Variants in CSTF3 observed in about 807,000 individuals in gnomAD.
CSTF3 encodes the protein CF-1 77 kDa subunit.
CSTF3 carries 29 observed loss-of-function variants against 105.8 expected under a neutral mutation model. That is an observed-to-expected ratio of 0.27 (90% confidence interval 0.20 to 0.37). The LOEUF (loss-of-function observed/expected upper bound fraction) is 0.37, where lower values mean the gene tolerates loss of function less well. CSTF3 is among the 10% of genes least tolerant of loss of function. The pLI, the probability that CSTF3 is intolerant of heterozygous loss-of-function variation, is 1.00. For missense variants in CSTF3, 357 were observed against 879.3 expected, an observed-to-expected ratio of 0.41 and a Z score of 7.51; for synonymous variants, 252 against 281.9, an observed-to-expected ratio of 0.89 and a Z score of 1.06.
At chr11:33,100,525 T>C (rs1855271266) in intron 10 of CSTF3, among the ~76,000 whole-genome samples, 1 of 152,088 alleles carries the variant, frequency 6.6e-6, no homozygotes, top group South Asian at 2.1e-4. Context: ...GCACCAACTA[T>C]ATGCCAGGGA....
chr11:33,146,130 C>T (rs981200641), intron 1 of CSTF3, among the ~76,000 whole-genome samples: 5 of 151,768 alleles, frequency 3.3e-5, no homozygotes, highest in African/African-American at 7.3e-5. Flanking sequence ...CCCAGCTACT[C>T]GGGAGGCTGA....
intron 1 of CSTF3, among the ~76,000 whole-genome samples, chr11:33,149,436 G>A (rs937401572): frequency 2.6e-5 from 4 of 152,154 alleles, no homozygotes; most frequent in African/African-American, 9.7e-5. Flanking sequence ...TGAACCACTT[G>A]GGTAGCCAAC....
At chr11:33,119,099 T>C (rs1855462154) in intron 3 of CSTF3, among the ~76,000 whole-genome samples, 3 of 151,866 alleles carry the variant, frequency 2.0e-5, no homozygotes, top group Admixed American at 6.6e-5. Context: ...CAGAAAACCA[T>C]TTACTTAAAA....
intron 3 of CSTF3, among the ~76,000 whole-genome samples, chr11:33,122,145 T>C (rs1855496012): frequency 6.6e-6 from 1 of 152,248 alleles, no homozygotes; most frequent in Non-Finnish European, 1.5e-5. Context: ...GATACATTGT[T>C]GGATAGCAAA....
At chr11:33,147,064 G>A (rs1855793107) in intron 1 of CSTF3, among the ~76,000 whole-genome samples, 1 of 152,028 alleles carries the variant, frequency 6.6e-6, no homozygotes, top group South Asian at 2.1e-4. Flanking sequence ...TACTAGGCAG[G>A]CGGACTGCTT....
At chr11:33,156,614 C>T (rs759852341) in intron 1 of CSTF3, 12 of 437,234 alleles carry the variant, frequency 2.7e-5, no homozygotes, top group Non-Finnish European at 4.5e-5. Flanking sequence ...GTAGCTTTTC[C>T]AAGCTGAGGA....
At chr11:33,105,003 C>T (rs1363950069) in intron 8 of CSTF3, among the ~76,000 whole-genome samples, 1 of 152,190 alleles carries the variant, frequency 6.6e-6, no homozygotes, top group East Asian at 1.9e-4. Context: ...TCCATCTCGG[C>T]CTCCCAAAGT....
intron 1 of CSTF3, among the ~76,000 whole-genome samples, chr11:33,152,908 G>T (rs752419225): frequency 4.0e-5 from 6 of 151,506 alleles, no homozygotes; most frequent in Non-Finnish European, 8.8e-5. Context: ...CAGTGAGCTG[G>T]GATCGCACCA....
Position 33,099,068 on chromosome 11 carries a change from A to G in CSTF3, c.1019T>C (p.Met340Thr). Reference protein sequence around the residue: ...RAISTLLKKNMLLYFAYADYE... With the variant: ...RAISTLLKKNTLLYFAYADYE... ...ATCTGCATATGCAAAATAAAGAAGCATATTCTTCTTCAATAAAGTGCTTAT... is the reference window on the plus strand; with the variant it reads ...ATCTGCATATGCAAAATAAAGAAGCGTATTCTTCTTCAATAAAGTGCTTAT... The change falls in exon 12 of 21, where the codon ATG (methionine) becomes ACG (threonine). Residue 340 changes from methionine (M) to threonine (T), a missense_variant. Coordinates refer to ENST00000323959, the MANE Select transcript of CSTF3 (RefSeq NM_001326.3). This position sits in a 1 kb window ranked among gnomAD's most constrained non-coding sequence, Gnocchi z 4.1. 1 of 1,578,012 alleles carries G rather than the reference A, an allele frequency of 6.3e-7. No individual in the cohort carries two copies. Among genetic ancestry groups the G allele is most frequent in the Non-Finnish European group, 8.5e-7 (1 of 1,172,390 alleles).
rs771791256 is a variant in CSTF3, at chr11:33,099,006, TAAG to T, written c.1053+25_1053+27del. 1.3e-6 allele frequency: 2 copies of T among 1,553,768 alleles called. No individual in the cohort carries two copies. Among genetic ancestry groups the T allele is most frequent in the South Asian group, 1.2e-5 (1 of 80,574 alleles). Reference sequence around the variant, plus strand: ...AGTCCTGCACTAAAAAATTGAATTATAAGAAGGCTCTAAACATTTTTACTTACC... The same window carrying T: ...AGTCCTGCACTAAAAAATTGAATTATAAGGCTCTAAACATTTTTACTTACC... On this transcript the variant is annotated intron_variant, in intron 12 of 20. Coordinates refer to ENST00000323959, the MANE Select transcript of CSTF3 (RefSeq NM_001326.3). This position sits in a 1 kb window ranked among gnomAD's most constrained non-coding sequence, Gnocchi z 4.1.
At chr11:33,091,288 G>A (rs147374039) in intron 16 of CSTF3, among the ~76,000 whole-genome samples, 26 of 152,260 alleles carry the variant, frequency 1.7e-4, no homozygotes, top group Middle Eastern at 3.4e-3. Context: ...CCTCATCGTT[G>A]TTCTAACAGC....
At chr11:33,154,693 C>T (rs1849837087) in intron 1 of CSTF3, among the ~76,000 whole-genome samples, 1 of 151,962 alleles carries the variant, frequency 6.6e-6, no homozygotes, top group Non-Finnish European at 1.5e-5. Flanking sequence ...GACGGAGTTT[C>T]ACCATACTAG....
At chr11:33,086,646 C>G (rs901084914) in intron 18 of CSTF3, among the ~76,000 whole-genome samples, 4 of 152,136 alleles carry the variant, frequency 2.6e-5, no homozygotes, top group African/African-American at 9.7e-5. Flanking sequence ...CCATGTTAGT[C>G]AGGCTGGTCT....
At chr11:33,154,070 T>C (rs767356716) in intron 1 of CSTF3, among the ~76,000 whole-genome samples, 1 of 152,176 alleles carries the variant, frequency 6.6e-6, no homozygotes, top group Non-Finnish European at 1.5e-5. Context: ...CACTTATTTA[T>C]CAAGAATATA....
At position 33,126,554 on chromosome 11, in the gene CSTF3, G is replaced by A. The variant is rs894642371; in HGVS notation, c.225+15113C>T. 1.1e-4 allele frequency among the ~76,000 whole-genome samples: 16 copies of A among 152,168 alleles called. No individual in the cohort carries two copies. The East Asian group carries it at 3.1e-3, about 29-fold the overall frequency. ...AATACTTAAATATTTAGGGGTATTAGACAATTCAAAAGAACAGTTTCTTTT... is the reference window on the plus strand; with the variant it reads ...AATACTTAAATATTTAGGGGTATTAAACAATTCAAAAGAACAGTTTCTTTT... On this transcript the variant is annotated intron_variant, in intron 3 of 20. Coordinates refer to ENST00000323959, the MANE Select transcript of CSTF3 (RefSeq NM_001326.3).
intron 3 of CSTF3, among the ~76,000 whole-genome samples, chr11:33,129,956 T>C (rs774279237): frequency 3.9e-5 from 6 of 152,212 alleles, no homozygotes; most frequent in Non-Finnish European, 7.4e-5. Flanking sequence ...TTCAGTGGCA[T>C]AGACTGGAGA....
In CSTF3 at chr11:33,085,006, C is replaced by A. The variant is rs961693582; in HGVS notation, c.*81G>T. 1 of 1,460,398 alleles carries A rather than the reference C, an allele frequency of 6.8e-7. No individual in the cohort carries two copies. Among genetic ancestry groups the A allele is most frequent in the Non-Finnish European group, 9.6e-7 (1 of 1,045,870 alleles). The allele number at this position is 1,460,398 out of a possible 1,614,324, so 90.5% of individuals were successfully genotyped here. Reference sequence around the variant, plus strand: ...AACTTTGTTTCCAAGAACCTTGTAACAAAGCGTTGTCTCTTTTAAACATAC... The same window carrying A: ...AACTTTGTTTCCAAGAACCTTGTAAAAAAGCGTTGTCTCTTTTAAACATAC... On this transcript the variant is annotated 3_prime_UTR_variant, in exon 21 of 21. Transcript: ENST00000323959.
In CSTF3 at chr11:33,102,341, T is replaced by C; in HGVS notation, c.664-2A>G. 1 of 1,613,842 alleles carries C rather than the reference T, an allele frequency of 6.2e-7. No individual in the cohort carries two copies. The highest frequency in any genetic ancestry group is 8.5e-7 in the Non-Finnish European group (1 of 1,179,816). On this transcript the variant is annotated splice_acceptor_variant, in intron 9 of 20. Coordinates refer to ENST00000323959, the MANE Select transcript of CSTF3 (RefSeq NM_001326.3). LOFTEE classifies it high-confidence loss of function. ...GCCTTTCATTACTGTCTCATATTCC[T>C]AGACAACAAGGATTTAGAATTCTTT...
chr11:33,096,339 G>A lies in CSTF3; in HGVS notation c.1342C>T (p.Leu448=). The change falls in exon 15 of 21, where the codon CTG becomes TTG. Residue 448 remains leucine, a synonymous_variant. Coordinates refer to ENST00000323959, the MANE Select transcript of CSTF3 (RefSeq NM_001326.3). ...TGAGAAAGATAGTCAATATAGGCCA[G>A]GACATACTCTGGAATGTCTCCATAT... ...KKYGDIPEYV[L]AYIDYLSHLN... 1.3e-6 allele frequency: 2 copies of A among 1,597,080 alleles called. No individual in the cohort carries two copies. The highest frequency in any genetic ancestry group is 1.7e-6 in the Non-Finnish European group (2 of 1,176,324).
Sources: allele counts gnomAD v4.1 joint callset (sites outside exome capture counted in the v4.1 genomes callset), GRCh38; gene constraint gnomAD v4.1.1; non-coding constraint Gnocchi (gnomAD v3.1); transcripts MANE v1.5; gene names NCBI Gene and HGNC (gene_info 2026-07-23, HGNC 2026-07-21).